The following CBARP variants were observed in gnomAD, a reference collection of about 807,000 sequenced individuals.
The protein encoded by CBARP is voltage-dependent calcium channel beta subunit-associated regulatory protein.
In CBARP, 24 loss-of-function variants were observed where a neutral mutation model predicts 36.3. The ratio of observed to expected loss-of-function variants is 0.66; its 90% CI spans 0.48 to 0.93. CBARP has a LOEUF of 0.93. Among genes scored for constraint, CBARP ranks in the 40% least tolerant of loss-of-function variants. CBARP has a pLI of 0.00. For missense variants in CBARP, 1,146 were observed against 980.4 expected (o/e 1.17, Z -2.26); for synonymous variants, 586 against 453.2 (o/e 1.29, Z -3.72).
At position 1,233,471 on chromosome 19, in the gene CBARP, ACTT is replaced by A. The variant is rs767340601; in HGVS notation, c.931_933del (p.Lys311del). The A allele has an allele frequency of 6.2e-7, 1 of 1,603,212 alleles. No homozygotes were observed. Among genetic ancestry groups the A allele is most frequent in the African/African-American group, 1.3e-5 (1 of 74,796 alleles). On this transcript the variant is annotated inframe_deletion, in exon 8 of 10. Coordinates refer to ENST00000650044, the MANE Select transcript of CBARP (RefSeq NM_001393918.1). Reference sequence around the variant, plus strand: ...GCCCGCTGGCTGGGCTCCAGCTTCCACTTCTTGACCTTGAAATAGGGGCTGGCC... The same window carrying A: ...GCCCGCTGGCTGGGCTCCAGCTTCCACTTGACCTTGAAATAGGGGCTGGCC...
chr19:1,236,558 A>G (rs994357925), intron 1 of CBARP, among the ~76,000 whole-genome samples: 1 of 151,862 alleles, frequency 6.6e-6, no homozygotes, highest in Non-Finnish European at 1.5e-5. Flanking sequence ...CCCCACCCCA[A>G]GAAGTTCAGC....
chr19:1,233,668 A>G, intron 7 of CBARP, 32 bp from the exon 8 acceptor site: 29 of 1,577,658 alleles, frequency 1.8e-5, no homozygotes, highest in Non-Finnish European at 2.5e-5. Flanking sequence ...GCTCAGGCTA[A>G]GACTTCTTCC....
In CBARP at chr19:1,236,256, G is replaced by A. The variant is rs2080971574; in HGVS notation, c.-21-135C>T. 4.0e-6 allele frequency: 5 copies of A among 1,242,962 alleles called. No individual in the cohort carries two copies. The South Asian group carries it at 7.5e-5, about 19-fold the overall frequency. 77.0% of individuals were successfully genotyped at this position (1,242,962 alleles called of 1,614,324 possible). On this transcript the variant is annotated intron_variant, in intron 1 of 9. Coordinates refer to ENST00000650044, the MANE Select transcript of CBARP (RefSeq NM_001393918.1). ...TGACTCATGGAGAGGTAGCAGAGCC[G>A]GAGGCAGCCTCCACCCGGCTTGGCT...
chr19:1,233,285 G>T, intron 8 of CBARP, 141 bp downstream of exon 8: 1 of 890,098 alleles, frequency 1.1e-6, no homozygotes, highest in Non-Finnish European at 1.7e-6. Context: ...CACGCCCGCT[G>T]GCAGACTGGG....
At chr19:1,238,162 C>T (rs76262703), upstream of CBARP, 14,882 of 151,704 alleles carry the variant, frequency 0.098, 963 homozygotes, top group East Asian at 0.14. Flanking sequence ...ATTCACCTCG[C>T]CCGGTCCTGA....
In CBARP at chr19:1,236,201, T is replaced by A; in HGVS notation, c.-21-80A>T. The A allele has an allele frequency of 6.0e-6, 8 of 1,343,298 alleles. No individual in the cohort carries two copies. The South Asian group carries it at 1.6e-4, about 26-fold the overall frequency. The allele number at this position is 1,343,298 out of a possible 1,614,324, so 83.2% of individuals were successfully genotyped here. A position where few individuals can be genotyped will look rare whatever the true frequency, so the allele number is the denominator to read the frequency against. ...CACTGCAGACAAGCTGGGTCTTCCC[T>A]GCAGGAGCAGGAGCCCACACAGGGG... On this transcript the variant is annotated intron_variant, in intron 1 of 9. Transcript: ENST00000650044.
At chr19:1,236,361 G>A (rs1006569568) in intron 1 of CBARP, among the ~76,000 whole-genome samples, 1 of 152,218 alleles carries the variant, frequency 6.6e-6, no homozygotes, top group African/African-American at 2.4e-5. Flanking sequence ...GGCCCTCTGA[G>A]GGTGCGCCTG....
intron 5 of CBARP, 31 bp from the exon 6 acceptor site, chr19:1,234,773 C>A (rs370131632): frequency 6.2e-7 from 1 of 1,601,148 alleles, no homozygotes; most frequent in African/African-American, 1.3e-5. Flanking sequence ...CAGAGCCCGC[C>A]CACCTCCCAT....
Position 1,229,641 on chromosome 19 carries a change from C to A in CBARP, c.1656G>T (p.Glu552Asp). The A allele has an allele frequency of 8.4e-7, 1 of 1,196,690 alleles. No homozygotes were observed. The highest frequency in any genetic ancestry group is 1.1e-6 in the Non-Finnish European group (1 of 945,374). 74.1% of individuals were successfully genotyped at this position (1,196,690 alleles called of 1,614,324 possible). A position where few individuals can be genotyped will look rare whatever the true frequency, so the allele number is the denominator to read the frequency against. ...CGAAGTGCGGGTCGTGGCGCAGGAA[C>A]TCGTGGAACAGCGCGTCCGTCTTCT... ...IDEKTDALFH[E>D]FLRHDPHFDD... The change falls in exon 10 of 10, where the codon GAG becomes GAT. Residue 552 changes from glutamate (E) to aspartate (D), a missense_variant. Transcript: ENST00000650044. The surrounding 1 kb of genome is among the most constrained non-coding windows in gnomAD (Gnocchi z 5.1).
At chr19:1,236,916 G>GC (rs2080983029) in intron 1 of CBARP, among the ~76,000 whole-genome samples, 1 of 151,152 alleles carries the variant, frequency 6.6e-6, no homozygotes, top group Non-Finnish European at 1.5e-5. Flanking sequence ...CCGCCTCCCC[G>GC]CCGTGCCCAG....
At position 1,235,073 on chromosome 19, in the gene CBARP, G is replaced by A. The variant is rs757383754; in HGVS notation, c.383C>T (p.Thr128Met). ...CTCATTGAAGGAGACCCGGCGGCCC[G>A]TGGAGCTGGTGGACAGGAAGCGTTC... Reference protein sequence around the residue: ...ETERFLSTSSTGRRVSFNEAA... With the variant: ...ETERFLSTSSMGRRVSFNEAA... Residue 128 changes from threonine to methionine, a missense_variant, in exon 5 of 10, where the codon ACG becomes ATG. Transcript: ENST00000650044. The A allele has an allele frequency of 2.1e-5, 34 of 1,610,024 alleles. No individual in the cohort carries two copies. In the Admixed American group the frequency reaches 2.3e-4, roughly 11 times the overall value.
chr19:1,231,795 G>T (rs1599943315), intron 8 of CBARP, among the ~76,000 whole-genome samples: 2 of 151,944 alleles, frequency 1.3e-5, no homozygotes, highest in African/African-American at 4.8e-5. Context: ...GTACAGGTGA[G>T]AAAACTGAGG....
At position 1,234,682 on chromosome 19, in the gene CBARP, G is replaced by A; in HGVS notation, c.516C>T (p.His172=). 6.2e-7 allele frequency: 1 copy of A among 1,612,954 alleles called. No homozygotes were observed. Among genetic ancestry groups the A allele is most frequent in the South Asian group, 1.1e-5 (1 of 90,838 alleles). Residue 172 remains histidine (H), a synonymous_variant, in exon 6 of 10, where the codon CAC becomes CAT. Coordinates refer to ENST00000650044, the MANE Select transcript of CBARP (RefSeq NM_001393918.1). ...TGGTGACAATCTTGAGGGGCGGCAG[G>A]TGCAGGTGCGTGAGCCGGGCATTCT... ...HLKNARLTHL[H]LPPLKIVTIH...
chr19:1,237,347 T>G, intron 1 of CBARP, among the ~76,000 whole-genome samples: 1 of 149,652 alleles, frequency 6.7e-6, no homozygotes. Context: ...AGGCGCAGGA[T>G]GGTGACCGGA....
In CBARP at chr19:1,234,219, GC is replaced by G; in HGVS notation, c.739del (p.Ala247HisfsTer140). 6.6e-7 allele frequency: 1 copy of G among 1,519,882 alleles called. No homozygotes were observed. Among genetic ancestry groups the G allele is most frequent in the Non-Finnish European group, 8.8e-7 (1 of 1,137,230 alleles). 94.1% of individuals were successfully genotyped at this position (1,519,882 alleles called of 1,614,324 possible). A position where few individuals can be genotyped will look rare whatever the true frequency, so the allele number is the denominator to read the frequency against. ...GGTGCCTTCCCCAGAGTCGCTAGAT[GC>G]CGAGGGGCTGATCTCTGCGAAGTCA... is the stretch of plus-strand genomic sequence containing the variant. Reference protein sequence around the residue: ...ATDFAEISPSASSDSGEGTSL... With the variant: ...ATDFAEISPSXSSDSGEGTSL... On this transcript the variant is annotated frameshift_variant, in exon 7 of 10. Coordinates refer to ENST00000650044, the MANE Select transcript of CBARP (RefSeq NM_001393918.1). LOFTEE classifies it high-confidence loss of function.
chr19:1,237,144 G>A (rs1486742887), intron 1 of CBARP, among the ~76,000 whole-genome samples: 1 of 152,212 alleles, frequency 6.6e-6, no homozygotes, highest in Non-Finnish European at 1.5e-5. Context: ...CGCACAGGCG[G>A]CAGCCGCTCC....
intron 9 of CBARP, chr19:1,230,535 G>C: frequency 9.5e-7 from 1 of 1,048,122 alleles, no homozygotes. Flanking sequence ...AGGGCTCTCT[G>C]CCCACCCATG....
In CBARP at chr19:1,235,989, C is replaced by G. The variant is rs1393791008; in HGVS notation, c.105+7G>C. ...TCCTGCCCCTCCCACCTGTCCCCTG[C>G]ACCCACCGTGGGGCGTCCAGTGGCA... On this transcript the variant is annotated splice_region_variant and intron_variant, in intron 2 of 9. Coordinates refer to ENST00000650044, the MANE Select transcript of CBARP (RefSeq NM_001393918.1). 6.4e-7 allele frequency: 1 copy of G among 1,570,446 alleles called. No individual in the cohort carries two copies. The highest frequency in any genetic ancestry group is 8.7e-7 in the Non-Finnish European group (1 of 1,155,344).
At chr19:1,237,457 GC>G (rs2080991201) in intron 1 of CBARP, among the ~76,000 whole-genome samples, 1 of 152,016 alleles carries the variant, frequency 6.6e-6, no homozygotes, top group South Asian at 2.1e-4. Flanking sequence ...GCAGCACCGC[GC>G]CCCCGAGCCG....
Sources: allele counts gnomAD v4.1 joint callset (sites outside exome capture counted in the v4.1 genomes callset), GRCh38; gene constraint gnomAD v4.1.1; non-coding constraint Gnocchi (gnomAD v3.1); transcripts MANE v1.5; gene names NCBI Gene and HGNC (gene_info 2026-07-23, HGNC 2026-07-21).